ENTPD1: variants seen among roughly 807,000 people sequenced by gnomAD.
ENTPD1 encodes ATP diphosphohydrolase.
Under a neutral mutation model 57.0 loss-of-function variants are expected in ENTPD1, and 33 were observed. That is an observed-to-expected ratio of 0.58 (90% CI 0.44 to 0.77). The LOEUF is 0.77. Ranked by LOEUF, ENTPD1 falls within the 30% of genes least tolerant of loss-of-function variation. ENTPD1 has a pLI of 0.00. For missense variants in ENTPD1, 501 were observed against 603.4 expected, an observed-to-expected ratio of 0.83 and a Z score of 1.78; for synonymous variants, 202 against 218.8, an observed-to-expected ratio of 0.92 and a Z score of 0.68.
In ENTPD1 at chr10:95,867,407, C is replaced by T. The variant is rs894938401; in HGVS notation, c.*1024C>T. ...AGAAACCATAGATCTTTTGTGTTTACAGCTATGGAAACCAACTGTACCATA... is the reference window on the plus strand; with the variant it reads ...AGAAACCATAGATCTTTTGTGTTTATAGCTATGGAAACCAACTGTACCATA... On this transcript the variant is annotated 3_prime_UTR_variant, in exon 10 of 10. Coordinates refer to ENST00000371205, the MANE Select transcript of ENTPD1 (RefSeq NM_001776.6). 8.1e-6 allele frequency: 8 copies of T among 985,266 alleles called. No individual in the cohort carries two copies. The highest frequency in any genetic ancestry group is 7.0e-5 in the African/African-American group (4 of 57,210). The allele number at this position is 985,266 out of a possible 1,614,324, so 61.0% of individuals were successfully genotyped here.
rs1003348537 is a variant in ENTPD1 at position 95,866,981 on chromosome 10, C to G, written c.*598C>G. 4.8e-5 allele frequency: 48 copies of G among 994,922 alleles called. No individual in the cohort carries two copies. The highest frequency in any genetic ancestry group is 5.6e-5 in the Non-Finnish European group (47 of 835,110). 61.6% of individuals were successfully genotyped at this position (994,922 alleles called of 1,614,324 possible). On this transcript the variant is annotated 3_prime_UTR_variant, in exon 10 of 10. Coordinates refer to ENST00000371205, the MANE Select transcript of ENTPD1 (RefSeq NM_001776.6). ...GTGCTCATGCAGTCAATACAGTTCT[C>G]AATCCCACCCAAAGCAGGTATGTCA... is the stretch of plus-strand genomic sequence containing the variant.
chr10:95,731,781 C>CTTTTTTTGTTTTT (rs2097989376), intron 1 of ENTPD1, among the ~76,000 whole-genome samples: 1 of 79,180 alleles, frequency 1.3e-5, no homozygotes, highest in East Asian at 3.0e-4. Context: ...AGTGGACATC[C>CTTTTTTTGTTTTT]TTTTTTTTTT....
chr10:95,799,706 TCA>T (rs2098240801), intron 1 of ENTPD1, among the ~76,000 whole-genome samples: 1 of 152,226 alleles, frequency 6.6e-6, no homozygotes, highest in Non-Finnish European at 1.5e-5. Context: ...CTTTGAGGAA[TCA>T]CTGCACTGTC....
At chr10:95,713,065 G>T (rs892761146) in intron 1 of ENTPD1, among the ~76,000 whole-genome samples, 3 of 151,516 alleles carry the variant, frequency 2.0e-5, no homozygotes, top group Non-Finnish European at 2.9e-5. Flanking sequence ...GGCTGTGGCG[G>T]CAAGAGTCTT....
At chr10:95,696,695 CAT>C in the ENTPD1 span, among the ~76,000 whole-genome samples, 1 of 152,200 alleles carries the variant, frequency 6.6e-6, no homozygotes, top group African/African-American at 2.4e-5. Context: ...AATTTATTCA[CAT>C]GTGTCATGCA....
chr10:95,755,620 C>G, upstream of ENTPD1: 2 of 1,387,788 alleles, frequency 1.4e-6, no homozygotes, highest in East Asian at 5.0e-5. Context: ...AATAACGCAG[C>G]GTCTCCTGCA....
intron 1 of ENTPD1, among the ~76,000 whole-genome samples, chr10:95,812,161 A>G (rs1352201388): frequency 1.2e-5 from 1 of 82,858 alleles, no homozygotes; most frequent in Non-Finnish European, 3.4e-5. Flanking sequence ...ACAAACATAT[A>G]AAGTCATTTA....
Position 95,869,419 on chromosome 10 carries a change from T to G in ENTPD1, c.*3036T>G, listed in dbSNP as rs2098478118. 1.5e-6 allele frequency: 1 copy of G among 684,786 alleles called. No homozygotes were observed. The highest frequency in any genetic ancestry group is 1.9e-5 in the African/African-American group (1 of 51,304). The allele number at this position is 684,786 out of a possible 1,614,324, so 42.4% of individuals were successfully genotyped here. The stretch of plus-strand genomic sequence containing the variant: ...TGCCCACCACCACACCCGGCTAATT[T>G]TTGTATTTTTAGTAAAGACAGGGTT... On this transcript the variant is annotated 3_prime_UTR_variant, in exon 10 of 10. Coordinates refer to ENST00000371205, the MANE Select transcript of ENTPD1 (RefSeq NM_001776.6).
intron 1 of ENTPD1, among the ~76,000 whole-genome samples, chr10:95,783,412 C>G (rs1318046429): frequency 1.2e-4 from 19 of 152,126 alleles, no homozygotes; most frequent in Admixed American, 1.2e-3. Flanking sequence ...GCTGGCACAT[C>G]AAGGGGGCAT....
rs1409595486 is a variant in ENTPD1 at position 95,866,179 on chromosome 10, C to T, written c.1329C>T (p.Ile443=). The change falls in exon 10 of 10, where the codon ATC becomes ATT. Residue 443 remains isoleucine (I), a splice_region_variant and synonymous_variant. Transcript: ENST00000371205. ...SWEHIHFIGK[I]QGSDAGWTLG... ...CAGACTTTCCCCACTGTTTGCAGAT[C>T]CAGGGCAGCGACGCCGGCTGGACTT... 6.2e-7 allele frequency: 1 copy of T among 1,613,252 alleles called. No individual in the cohort carries two copies. Among genetic ancestry groups the T allele is most frequent in the Non-Finnish European group, 8.5e-7 (1 of 1,179,594 alleles).
Position 95,845,554 on chromosome 10 carries a change from G to T in ENTPD1, c.771G>T (p.Gly257=). 3.1e-6 allele frequency: 5 copies of T among 1,614,254 alleles called. No individual in the cohort carries two copies. Among genetic ancestry groups the T allele is most frequent in the Non-Finnish European group, 4.2e-6 (5 of 1,180,050 alleles). The part of the protein sequence containing the change: ...NVYTHSFLCY[G]KDQALWQKLA... The stretch of plus-strand genomic sequence containing the variant: ...ACACACATAGCTTCTTGTGCTATGG[G>T]AAGGATCAGGCACTCTGGCAGAAAC... The change falls in exon 6 of 10, where the codon GGG becomes GGT. Residue 257 remains glycine (G), a synonymous_variant. Coordinates refer to ENST00000371205, the MANE Select transcript of ENTPD1 (RefSeq NM_001776.6).
chr10:95,794,251 G>GA (rs914022951), intron 1 of ENTPD1, among the ~76,000 whole-genome samples: 33 of 150,656 alleles, frequency 2.2e-4, no homozygotes, highest in East Asian at 9.7e-4. Flanking sequence ...CCAAAAATGT[G>GA]AAAAAAAAAG....
intron 3 of ENTPD1, among the ~76,000 whole-genome samples, chr10:95,841,386 C>CA (rs397764106): frequency 0.23 from 34,327 of 148,070 alleles, 4,499 homozygotes; most frequent in African/African-American, 0.36. Context: ...GACTCCGTCT[C>CA]AAAAAAAAAA....
chr10:95,866,385 A>T lies in ENTPD1; in HGVS notation c.*2A>T, dbSNP rs1020738408. ...TATTTCTGGAAAGATATGGTATAGC[A>T]AAAGCAGCTGAAATATGCTGGCTGG... On this transcript the variant is annotated 3_prime_UTR_variant, in exon 10 of 10. Coordinates refer to ENST00000371205, the MANE Select transcript of ENTPD1 (RefSeq NM_001776.6). 9 of 1,614,104 alleles carry T rather than the reference A, an allele frequency of 5.6e-6. No individual in the cohort carries two copies. The highest frequency in any genetic ancestry group is 5.0e-5 in the Admixed American group (3 of 59,992).
At chr10:95,701,693 TC>T in the ENTPD1 span, among the ~76,000 whole-genome samples, 1 of 152,126 alleles carries the variant, frequency 6.6e-6, no homozygotes, top group Non-Finnish European at 1.5e-5. Context: ...ACAAAGGGAA[TC>T]TCAATGAAGA....
upstream of ENTPD1, chr10:95,711,719 G>A (rs2097965727): frequency 3.8e-6 from 2 of 525,356 alleles, no homozygotes; most frequent in South Asian, 2.0e-5. Context: ...AAGTGCTGAG[G>A]TCACAGGCAT....
intron 7 of ENTPD1, among the ~76,000 whole-genome samples, chr10:95,850,549 T>C (rs1256356014): frequency 6.6e-6 from 1 of 152,182 alleles, no homozygotes; most frequent in Non-Finnish European, 1.5e-5. Flanking sequence ...CCAGTTTCCA[T>C]GGTGTAAGTA....
At chr10:95,739,627 T>TG (rs2097998158) in intron 1 of ENTPD1, among the ~76,000 whole-genome samples, 1 of 152,210 alleles carries the variant, frequency 6.6e-6, no homozygotes, top group Admixed American at 6.5e-5. Context: ...GTTACTTCCT[T>TG]CACTGAAGTC....
rs1209776367 is a variant in ENTPD1 at position 95,867,325 on chromosome 10, TC to T, written c.*944del. ...TGTGCCACCATCACCACTATTTAGT[TC>T]CAGAACATTTGCATCATCAATACAT... is the stretch of plus-strand genomic sequence containing the variant. On this transcript the variant is annotated 3_prime_UTR_variant, in exon 10 of 10. Transcript: ENST00000371205. 1.0e-6 allele frequency: 1 copy of T among 985,220 alleles called. No individual in the cohort carries two copies. The highest frequency in any genetic ancestry group is 1.7e-5 in the African/African-American group (1 of 57,250). 61.0% of individuals were successfully genotyped at this position (985,220 alleles called of 1,614,324 possible).
Sources: gnomAD v4.1 joint callset for allele counts (sites outside exome capture counted in the v4.1 genomes callset) on GRCh38, gnomAD v4.1.1 for gene constraint, MANE v1.5 for transcripts, NCBI Gene and HGNC (gene_info 2026-07-23, HGNC 2026-07-21) for gene names.